The following VPS53 variants were observed in gnomAD, a reference collection of about 807,000 sequenced individuals.
VPS53 encodes vacuolar protein sorting-associated protein 53 homolog.
In VPS53, 70 loss-of-function variants were observed where a neutral mutation model predicts 107.0. That is an observed-to-expected ratio of 0.65 (90% CI 0.54 to 0.80). VPS53 has a LOEUF of 0.80. Among genes scored for constraint, VPS53 ranks in the 30% least tolerant of loss-of-function variants. The pLI, the probability that VPS53 is intolerant of heterozygous loss-of-function variation, is 0.00. For synonymous variants in VPS53, 409 were observed against 393.3 expected, an observed-to-expected ratio of 1.04 and a Z score of -0.47; for missense variants, 917 against 1,049.4, an observed-to-expected ratio of 0.87 and a Z score of 1.74.
Position 519,818 on chromosome 17 carries a change from G to GCA in VPS53, c.2328+6_2328+7dup. On this transcript the variant is annotated splice_region_variant and intron_variant, in intron 21 of 21. Transcript: ENST00000437048. The surrounding 1 kb of genome is among the most constrained non-coding windows in gnomAD (Gnocchi z 5.0). ...GAGCAGGTGTGGACCAAATGTCCCG[G>GCA]CACAAACCTTCATGTCCAGTATCTT... 6.5e-7 allele frequency: 1 copy of GCA among 1,545,324 alleles called. No homozygotes were observed. Among genetic ancestry groups the GCA allele is most frequent in the South Asian group, 1.2e-5 (1 of 83,928 alleles).
chr17:678,591 C>T (rs1390722510), intron 4 of VPS53, among the ~76,000 whole-genome samples: 17 of 151,262 alleles, frequency 1.1e-4, no homozygotes, highest in Admixed American at 7.9e-4. Context: ...CTCAGCTTCC[C>T]GGGTAGCTGG....
chr17:569,747 C>T (rs550970309), intron 13 of VPS53, among the ~76,000 whole-genome samples: 2 of 151,710 alleles, frequency 1.3e-5, no homozygotes, highest in African/African-American at 2.4e-5. Context: ...GGTGAAACCC[C>T]GTCTCTACTA....
chr17:534,369 G>A (rs907626701), intron 18 of VPS53, among the ~76,000 whole-genome samples: 1 of 152,192 alleles, frequency 6.6e-6, no homozygotes, highest in Non-Finnish European at 1.5e-5. Context: ...TATTGCTTAA[G>A]ACAGCAAACG....
intron 7 of VPS53, among the ~76,000 whole-genome samples, chr17:652,658 C>T (rs990680646): frequency 2.6e-5 from 4 of 152,216 alleles, no homozygotes; most frequent in East Asian, 1.9e-4. Context: ...TGAGCTGCCT[C>T]GGCTAATGCT....
chr17:595,772 A>G (rs1359846388), intron 12 of VPS53, among the ~76,000 whole-genome samples: 1 of 129,012 alleles, frequency 7.8e-6, no homozygotes, highest in African/African-American at 3.0e-5. Context: ...GGAAGCTGGG[A>G]GATGGGAAGG....
At chr17:642,844 GCGAGGACAACACTCATACTTGGAAAT>G (rs1567700943) in intron 7 of VPS53, among the ~76,000 whole-genome samples, 19 of 133,028 alleles carry the variant, frequency 1.4e-4, no homozygotes, top group African/African-American at 3.7e-4. Flanking sequence ...TACTTGGAAA[GCGAGGACAACACTCATACTTGGAAAT>G]CGAGGACAAC....
chr17:711,592 G>C (rs561401221), intron 1 of VPS53, among the ~76,000 whole-genome samples: 6 of 152,274 alleles, frequency 3.9e-5, no homozygotes, highest in African/African-American at 1.2e-4. Flanking sequence ...AACCCACAGA[G>C]AGCAGGATAC....
At chr17:572,424 C>G (rs1304842353) in intron 13 of VPS53, among the ~76,000 whole-genome samples, 1 of 148,106 alleles carries the variant, frequency 6.8e-6, no homozygotes, top group Non-Finnish European at 1.5e-5. Flanking sequence ...GGGGGTCAGC[C>G]CCCCGCCCGG....
At chr17:703,801 T>C (rs891967446) in intron 2 of VPS53, among the ~76,000 whole-genome samples, 3 of 150,578 alleles carry the variant, frequency 2.0e-5, no homozygotes, top group African/African-American at 7.3e-5. Context: ...CAATTTGGCA[T>C]CTTTTTTTTT....
intron 7 of VPS53, among the ~76,000 whole-genome samples, chr17:645,348 G>C: frequency 6.6e-6 from 1 of 152,056 alleles, no homozygotes; most frequent in East Asian, 1.9e-4. Context: ...TTTTTTAATT[G>C]AGTTGTTTGG....
At chr17:691,984 G>T (rs1050433506) in intron 4 of VPS53, among the ~76,000 whole-genome samples, 1 of 152,140 alleles carries the variant, frequency 6.6e-6, no homozygotes, top group Non-Finnish European at 1.5e-5. Context: ...ATCCCCCACA[G>T]GTAAGTGGGG....
At chr17:705,783 A>C (rs1452663419) in intron 2 of VPS53, 1 of 152,436 alleles carries the variant, frequency 6.6e-6, no homozygotes, top group East Asian at 1.9e-4. Context: ...ACACACCTGT[A>C]GTGCTAGCTA....
intron 13 of VPS53, among the ~76,000 whole-genome samples, chr17:566,203 C>CAA (rs1003234136): frequency 3.3e-4 from 19 of 57,232 alleles, no homozygotes; most frequent in African/African-American, 7.2e-4. Context: ...GACTCCGTCT[C>CAA]AAAAAAAAAA....
At chr17:568,909 C>A (rs1044471254) in intron 13 of VPS53, among the ~76,000 whole-genome samples, 5 of 152,204 alleles carry the variant, frequency 3.3e-5, no homozygotes, top group African/African-American at 1.2e-4. Context: ...AGCAGGTGCA[C>A]ACACAGCTAT....
At chr17:676,162 T>C (rs370078603) in intron 4 of VPS53, 2 of 152,190 alleles carry the variant, frequency 1.3e-5, no homozygotes, top group African/African-American at 2.4e-5. Context: ...TTACAGACTC[T>C]TGAAAATGGA....
chr17:657,089 GTC>G, intron 5 of VPS53: 1 of 1,024,900 alleles, frequency 9.8e-7, no homozygotes, highest in East Asian at 2.4e-5. Flanking sequence ...CATCTTGCCA[GTC>G]TCCAAATCAA....
chr17:602,458 G>A (rs765392751), intron 11 of VPS53, among the ~76,000 whole-genome samples: 4 of 152,210 alleles, frequency 2.6e-5, no homozygotes, highest in Non-Finnish European at 5.9e-5. Context: ...ATTAACAGAT[G>A]TCTCTTCCCA....
chr17:714,767 C>A lies in VPS53; in HGVS notation c.-58G>T. On this transcript the variant is annotated 5_prime_UTR_variant, in exon 1 of 22. Coordinates refer to ENST00000437048, the MANE Select transcript of VPS53 (RefSeq NM_001128159.3). ...CGAGCCCAACTCAGGCCTCCAGCCG[C>A]CACCCAGGCCCCAGCACAGCAACTC... is the stretch of plus-strand genomic sequence containing the variant. 6.3e-7 allele frequency: 1 copy of A among 1,589,438 alleles called. No individual in the cohort carries two copies. The highest frequency in any genetic ancestry group is 8.6e-7 in the Non-Finnish European group (1 of 1,158,920).
intron 11 of VPS53, among the ~76,000 whole-genome samples, chr17:614,513 A>T (rs1480365462): frequency 6.6e-6 from 1 of 152,228 alleles, no homozygotes; most frequent in Non-Finnish European, 1.5e-5. Flanking sequence ...AAATGGAAGA[A>T]TACATTTCTT....
Sources: gnomAD v4.1 joint callset for allele counts (sites outside exome capture counted in the v4.1 genomes callset) on GRCh38, gnomAD v4.1.1 for gene constraint, Gnocchi (gnomAD v3.1) non-coding constraint, MANE v1.5 for transcripts, NCBI Gene and HGNC (gene_info 2026-07-23, HGNC 2026-07-21) for gene names.